Variants in CNKSR1 observed in about 807,000 individuals in gnomAD.
The protein encoded by CNKSR1 is connector enhancer of kinase suppressor of Ras 1.
A neutral mutation model predicts 95.6 loss-of-function variants in CNKSR1; 88 were observed. The observed-to-expected ratio is 0.92, with a 90% CI of 0.78 to 1.10. The LOEUF is 1.10. Ranked by LOEUF, CNKSR1 falls within the 50% of genes least tolerant of loss-of-function variation. The pLI, the probability that CNKSR1 is intolerant of heterozygous loss-of-function variation, is 0.00. For missense variants in CNKSR1, 836 were observed against 912.0 expected (o/e 0.92, Z 1.07); for synonymous variants, 355 against 369.7 (o/e 0.96, Z 0.46).
rs374698217 is a variant in CNKSR1, at chr1:26,181,934, T to G, written c.470T>G (p.Leu157Trp). 5.6e-6 allele frequency: 9 copies of G among 1,613,842 alleles called. No individual in the cohort carries two copies. Among genetic ancestry groups the G allele is most frequent in the Non-Finnish European group, 7.6e-6 (9 of 1,179,886 alleles). ...RDLLEELSQV[L>W]HEDGPAAEKE... The stretch of plus-strand genomic sequence containing the variant: ...TTGTTGGAGGAGCTGAGCCAGGTCT[T>G]GCATGAGGTAGGAGAACCAAGGGCC... Residue 157 changes from leucine (L) to tryptophan (W), a missense_variant, in exon 4 of 21, where the codon TTG becomes TGG. Transcript: ENST00000361530.
rs951054144 is a variant in CNKSR1 at position 26,187,558 on chromosome 1, G to C, written c.1454+76G>C. 1.2e-4 allele frequency: 164 copies of C among 1,423,266 alleles called. 1 individual carries two copies. In the East Asian group the frequency reaches 3.3e-3, roughly 29 times the overall value. 88.2% of individuals were successfully genotyped at this position (1,423,266 alleles called of 1,614,324 possible). ...TGAGCTTGGGAGCCTAGGCTCAGGAGCCTGGAGATACAAATTCCAGCTCTC... is the reference window on the plus strand; with the variant it reads ...TGAGCTTGGGAGCCTAGGCTCAGGACCCTGGAGATACAAATTCCAGCTCTC... On this transcript the variant is annotated intron_variant, in intron 16 of 20. Coordinates refer to ENST00000361530, the MANE Select transcript of CNKSR1 (RefSeq NM_006314.3).
In CNKSR1 at chr1:26,189,240, T is replaced by G. The variant is rs757617238; in HGVS notation, c.1873-39T>G. On this transcript the variant is annotated intron_variant, in intron 20 of 20. Transcript: ENST00000361530. Reference sequence around the variant, plus strand: ...TGGCCTCGGGCTCTGCCCACTTCCCTGGGTGATCATGGTCCCTTAGCCCCT... The same window carrying G: ...TGGCCTCGGGCTCTGCCCACTTCCCGGGGTGATCATGGTCCCTTAGCCCCT... 6 of 1,611,824 alleles carry G rather than the reference T, an allele frequency of 3.7e-6. No individual in the cohort carries two copies. The Admixed American group carries it at 1.0e-4, about 27-fold the overall frequency.
rs1232858727 is a variant in CNKSR1 at position 26,187,425 on chromosome 1, C to T, written c.1397C>T (p.Thr466Ile). 2 of 1,613,884 alleles carry T rather than the reference C, an allele frequency of 1.2e-6. No individual in the cohort carries two copies. The highest frequency in any genetic ancestry group is 8.5e-7 in the Non-Finnish European group (1 of 1,179,984). ...DQKKKYVFQL[T>I]HDVYKPFIFA... ...CTACCTGGCAGTGTGTTTCAGCTCA[C>T]CCATGATGTGTACAAACCCTTCATC... is the stretch of plus-strand genomic sequence containing the variant. The change falls in exon 16 of 21, where the codon ACC (threonine) becomes ATC (isoleucine). Residue 466 changes from threonine (T) to isoleucine (I), a missense_variant. Transcript: ENST00000361530.
At chr1:26,181,210 G>A (rs1399777366) in intron 3 of CNKSR1, 5 of 357,538 alleles carry the variant, frequency 1.4e-5, no homozygotes, top group Middle Eastern at 9.8e-4. Flanking sequence ...AAACCTGGGA[G>A]GTGGAAGTTC....
At chr1:26,181,270 G>C (rs2088642067) in intron 3 of CNKSR1, among the ~76,000 whole-genome samples, 1 of 125,106 alleles carries the variant, frequency 8.0e-6, no homozygotes, top group Non-Finnish European at 1.6e-5. Flanking sequence ...GACAGAGTGA[G>C]ACTCCCTCTC....
intron 3 of CNKSR1, 145 bp downstream of exon 3, chr1:26,181,041 A>G (rs2088639767): frequency 2.0e-6 from 2 of 1,001,132 alleles, no homozygotes; most frequent in Admixed American, 3.9e-5. Flanking sequence ...GCACTTTGGG[A>G]GGCCGAAGCG....
chr1:26,183,131 C>T (rs1489368000), intron 6 of CNKSR1, 66 bp from the exon 7 acceptor site: 9 of 1,478,112 alleles, frequency 6.1e-6, no homozygotes, highest in African/African-American at 1.4e-5. Context: ...TGGTGTCTGG[C>T]GGGGGTCCTG....
chr1:26,177,516 C>T lies in CNKSR1; in HGVS notation c.-32C>T. The T allele has an allele frequency of 6.2e-7, 1 of 1,613,624 alleles. No homozygotes were observed. The highest frequency in any genetic ancestry group is 1.7e-5 in the Admixed American group (1 of 59,998). ...AAATTCCGGCGACAGCAGGGCAAAA[C>T]AGGAGCTGATTCGAGCTGGCAGAGC... On this transcript the variant is annotated 5_prime_UTR_variant, in exon 1 of 21. Transcript: ENST00000361530.
chr1:26,177,836 A>T (rs1026140178), intron 1 of CNKSR1, among the ~76,000 whole-genome samples: 3 of 152,090 alleles, frequency 2.0e-5, no homozygotes, highest in Non-Finnish European at 4.4e-5. Flanking sequence ...GGGTGGTGGC[A>T]GGTGCCTGTA....
At chr1:26,185,306 A>G in intron 14 of CNKSR1, 120 bp downstream of exon 14, 7 of 1,062,506 alleles carry the variant, frequency 6.6e-6, no homozygotes, top group Non-Finnish European at 8.4e-6. Context: ...CCATCTGTAA[A>G]ATGGGGACTT....
intron 3 of CNKSR1, among the ~76,000 whole-genome samples, chr1:26,181,338 C>T (rs1302742675): frequency 6.6e-6 from 1 of 151,104 alleles, no homozygotes. Flanking sequence ...GATTAATCCA[C>T]CTGTGCAGGG....
chr1:26,189,503 C>T lies in CNKSR1; in HGVS notation c.2097C>T (p.Leu699=). Residue 699 remains leucine, a synonymous_variant, in exon 21 of 21, where the codon CTC becomes CTT. Coordinates refer to ENST00000361530, the MANE Select transcript of CNKSR1 (RefSeq NM_006314.3). The stretch of plus-strand genomic sequence containing the variant: ...CTGACCCTGAAGAGCACTCCCATCT[C>T]TGCCCCCTGACCTCAGAGAGCAGCC... ...LPSDPEEHSH[L]CPLTSESSLR... 1.2e-6 allele frequency: 2 copies of T among 1,606,006 alleles called. No individual in the cohort carries two copies. Among genetic ancestry groups the T allele is most frequent in the Non-Finnish European group, 8.5e-7 (1 of 1,172,576 alleles).
At chr1:26,183,475 G>A in intron 8 of CNKSR1, 61 bp downstream of exon 8, 1 of 1,567,394 alleles carries the variant, frequency 6.4e-7, no homozygotes, top group Non-Finnish European at 8.8e-7. Flanking sequence ...CCCAAGTCTG[G>A]TGGGTGGGGA....
At chr1:26,181,121 A>T (rs35600413) in intron 3 of CNKSR1, 14,135 of 520,670 alleles carry the variant, frequency 0.027, 261 homozygotes, top group Middle Eastern at 0.068. Flanking sequence ...CTTTACCAAA[A>T]ATATACAAAA....
Position 26,184,278 on chromosome 1 carries a change from G to C in CNKSR1, c.991G>C (p.Ala331Pro). The C allele has an allele frequency of 6.2e-7, 1 of 1,613,728 alleles. No homozygotes were observed. The highest frequency in any genetic ancestry group is 1.1e-5 in the South Asian group (1 of 91,054). ...SSNPSPGPSP[A>P]WTDSASLGPE... ...AAACCCCAGTCCCGGACCCAGCCCT[G>C]CCTGGACAGGTAGTCTCAAAGCTCC... The change falls in exon 11 of 21, where the codon GCC (alanine) becomes CCC (proline). Residue 331 changes from alanine to proline, a missense_variant. Coordinates refer to ENST00000361530, the MANE Select transcript of CNKSR1 (RefSeq NM_006314.3).
intron 4 of CNKSR1, 191 bp downstream of exon 4, chr1:26,182,132 C>G (rs1175163447): frequency 1.5e-5 from 11 of 725,630 alleles, no homozygotes; most frequent in Non-Finnish European, 2.6e-5. Flanking sequence ...GGAATTTTGA[C>G]ACTCAGGACA....
Position 26,189,381 on chromosome 1 carries a change from T to G in CNKSR1, c.1975T>G (p.Ser659Ala), listed in dbSNP as rs528990573. The G allele has an allele frequency of 1.2e-6, 2 of 1,613,884 alleles. No individual in the cohort carries two copies. Among genetic ancestry groups the G allele is most frequent in the Admixed American group, 3.3e-5 (2 of 60,020 alleles). ...GAAGGAGCAGAACCGGGAGCTGTAC[T>G]CAGAGGGCCTGGGGGCCTGGGGAGT... ...QWKEQNRELYSEGLGAWGVAQ... is the reference protein window; with the variant it reads ...QWKEQNRELYAEGLGAWGVAQ... Residue 659 changes from serine to alanine, a missense_variant, in exon 21 of 21, where the codon TCA (serine) becomes GCA (alanine). Coordinates refer to ENST00000361530, the MANE Select transcript of CNKSR1 (RefSeq NM_006314.3).
chr1:26,183,845 C>G lies in CNKSR1; in HGVS notation c.855+15C>G. 1.8e-6 allele frequency: 2 copies of G among 1,119,250 alleles called. No individual in the cohort carries two copies. Among genetic ancestry groups the G allele is most frequent in the Non-Finnish European group, 2.5e-6 (2 of 813,958 alleles). 69.3% of individuals were successfully genotyped at this position (1,119,250 alleles called of 1,614,324 possible). On this transcript the variant is annotated intron_variant, in intron 9 of 20. Transcript: ENST00000361530. ...CCCCCCCACAGGTACCTTCCCCTGC[C>G]GCCCCCCGACCTGCCTTCAGACCCC... is the stretch of plus-strand genomic sequence containing the variant.
At chr1:26,179,876 C>G (rs2088617307) in intron 1 of CNKSR1, among the ~76,000 whole-genome samples, 1 of 152,108 alleles carries the variant, frequency 6.6e-6, no homozygotes, top group African/African-American at 2.4e-5. Flanking sequence ...TGGCTCACAC[C>G]TGTAATTCTA....
Sources: allele counts gnomAD v4.1 joint callset (sites outside exome capture counted in the v4.1 genomes callset), GRCh38; gene constraint gnomAD v4.1.1; transcripts MANE v1.5; gene names NCBI Gene and HGNC (gene_info 2026-07-23, HGNC 2026-07-21).